CDC42BPA: variants seen among roughly 807,000 people sequenced by gnomAD.
The protein encoded by CDC42BPA is serine/threonine-protein kinase MRCK alpha.
Under a neutral mutation model 223.5 loss-of-function variants are expected in CDC42BPA, and 80 were observed. That is an observed-to-expected ratio of 0.36 (90% CI 0.30 to 0.43). The LOEUF (loss-of-function observed/expected upper bound fraction) is 0.43. Ranked by LOEUF, CDC42BPA falls within the 20% of genes least tolerant of loss-of-function variation. The probability of loss-of-function intolerance (pLI) is 1.00; values close to 1 mark genes in which losing one functional copy is unlikely to be tolerated. For synonymous variants in CDC42BPA, 694 were observed against 718.6 expected, an observed-to-expected ratio of 0.97 and a Z score of 0.55; for missense variants, 1,743 against 2,099.9, an observed-to-expected ratio of 0.83 and a Z score of 3.32.
At chr1:227,028,555 T>A (rs540093878) in intron 30 of CDC42BPA, 102 bp downstream of exon 30, 128 of 789,562 alleles carry the variant, frequency 1.6e-4, no homozygotes, top group African/African-American at 1.6e-3. Context: ...ATGACTTTTT[T>A]AAAAAACTGT....
intron 2 of CDC42BPA, among the ~76,000 whole-genome samples, chr1:227,215,765 C>T (rs1172849606): frequency 6.6e-6 from 1 of 150,590 alleles, no homozygotes; most frequent in Non-Finnish European, 1.5e-5. Flanking sequence ...AGTTTAACTA[C>T]CAAAATAAAA....
At chr1:227,163,574 A>G (rs1229721096) in intron 5 of CDC42BPA, among the ~76,000 whole-genome samples, 1 of 151,982 alleles carries the variant, frequency 6.6e-6, no homozygotes, top group Non-Finnish European at 1.5e-5. Flanking sequence ...ATGCCTGTTA[A>G]TATCCCTTGC....
In CDC42BPA at chr1:227,016,956, G is replaced by A. The variant is rs1177770797; in HGVS notation, c.4710C>T (p.Val1570=). 3.1e-6 allele frequency: 5 copies of A among 1,612,692 alleles called. No homozygotes were observed. The highest frequency in any genetic ancestry group is 3.4e-6 in the Non-Finnish European group (4 of 1,179,414). The change falls in exon 33 of 37, where the codon GTC becomes GTT. Residue 1570 remains valine (V), a synonymous_variant. Coordinates refer to ENST00000366766, the MANE Select transcript of CDC42BPA (RefSeq NM_001394014.1). ...TCTGCTGCATCCTTTCCTCTTCTGG[G>A]ACTCTGAAGGAATAACGCCGCTTAT... is the stretch of plus-strand genomic sequence containing the variant. ...INNKRRYSFR[V]PEEERMQQRR...
chr1:227,072,158 T>C (rs1170880049), intron 20 of CDC42BPA, 50 bp downstream of exon 20: 2 of 999,304 alleles, frequency 2.0e-6, no homozygotes, highest in Non-Finnish European at 1.5e-6. Flanking sequence ...ATAAAATATA[T>C]TTATAACATA....
chr1:227,000,589 C>G (rs1662614713), intron 35 of CDC42BPA, among the ~76,000 whole-genome samples: 2 of 152,084 alleles, frequency 1.3e-5, no homozygotes. Flanking sequence ...TTTGTGGGAA[C>G]AACTCACCAC....
intron 1 of CDC42BPA, among the ~76,000 whole-genome samples, chr1:227,262,772 G>T (rs929558095): frequency 6.6e-6 from 1 of 151,974 alleles, no homozygotes; most frequent in Non-Finnish European, 1.5e-5. Flanking sequence ...ATTAAGATAC[G>T]GTGTTCTAAT....
chr1:227,142,856 G>T, intron 9 of CDC42BPA, 89 bp downstream of exon 9: 1 of 757,696 alleles, frequency 1.3e-6, no homozygotes, highest in East Asian at 3.5e-5. Context: ...CTGACCTCAT[G>T]ATACACCTGT....
chr1:227,000,500 CTTAAGCAAGTTATTTTACCTTCCTGAGT>C (rs1351619451), intron 35 of CDC42BPA, among the ~76,000 whole-genome samples: 1 of 152,132 alleles, frequency 6.6e-6, no homozygotes, highest in Non-Finnish European at 1.5e-5. Context: ...ATGGTGTGAC[CTTAAGCAAGTTATTTTACCTTCCTGAGT>C]TTCCATTTTC....
intron 10 of CDC42BPA, among the ~76,000 whole-genome samples, chr1:227,138,666 G>A (rs1394697296): frequency 2.6e-5 from 4 of 152,204 alleles, no homozygotes; most frequent in African/African-American, 9.6e-5. Flanking sequence ...GAAATAGCAT[G>A]AAGAGCTGAC....
At chr1:227,087,308 G>T (rs1200489267) in intron 16 of CDC42BPA, among the ~76,000 whole-genome samples, 1 of 152,134 alleles carries the variant, frequency 6.6e-6, no homozygotes, top group Non-Finnish European at 1.5e-5. Context: ...TATATGAAAA[G>T]ATTATCCTTT....
chr1:227,073,089 AC>A (rs1678749102), intron 19 of CDC42BPA, among the ~76,000 whole-genome samples: 1 of 152,152 alleles, frequency 6.6e-6, no homozygotes, highest in South Asian at 2.1e-4. Context: ...ATGACTACAC[AC>A]CATTAAAAAC....
chr1:227,094,217 A>G (rs990210875), intron 15 of CDC42BPA, among the ~76,000 whole-genome samples: 10 of 152,204 alleles, frequency 6.6e-5, no homozygotes, highest in African/African-American at 1.2e-4. Flanking sequence ...GGAATGTGAG[A>G]CCATTTAAAT....
At chr1:227,034,579 C>A in intron 26 of CDC42BPA, 76 bp downstream of exon 26, 2 of 1,363,530 alleles carry the variant, frequency 1.5e-6, no homozygotes, top group Middle Eastern at 2.0e-4. Context: ...ACCATGGCAA[C>A]ACAATTTTTG....
chr1:227,210,192 G>T (rs992493522), intron 3 of CDC42BPA, among the ~76,000 whole-genome samples: 15 of 152,276 alleles, frequency 9.9e-5, no homozygotes, highest in Admixed American at 9.2e-4. Context: ...ACGTGTGCAT[G>T]TGTCTTTATA....
intron 5 of CDC42BPA, among the ~76,000 whole-genome samples, chr1:227,174,500 G>A (rs1342031069): frequency 6.6e-6 from 1 of 152,100 alleles, no homozygotes; most frequent in Non-Finnish European, 1.5e-5. Flanking sequence ...GATAACAGAT[G>A]AAAAACTCTC....
At chr1:227,206,914 TTATC>T (rs1247876212) in intron 3 of CDC42BPA, among the ~76,000 whole-genome samples, 4 of 151,844 alleles carry the variant, frequency 2.6e-5, no homozygotes, top group African/African-American at 9.6e-5. Flanking sequence ...TGGGGACTAC[TTATC>T]TTTTTTATTA....
intron 16 of CDC42BPA, among the ~76,000 whole-genome samples, chr1:227,081,913 A>T (rs1316773194): frequency 6.6e-6 from 1 of 152,200 alleles, no homozygotes; most frequent in African/African-American, 2.4e-5. Flanking sequence ...AATTTCACAA[A>T]TTTCCTAATA....
chr1:227,193,064 T>A lies in CDC42BPA; in HGVS notation c.599+722A>T, dbSNP rs1351549418. On this transcript the variant is annotated intron_variant, in intron 5 of 36. Coordinates refer to ENST00000366766, the MANE Select transcript of CDC42BPA (RefSeq NM_001394014.1). ...AGAAATGCTGACTGGAAGTGAGAAC[T>A]TTTTTTTTTTTTTTTTTTTTTGGAG... Among the ~76,000 whole-genome samples, 5 of 88,072 alleles carry A rather than the reference T, an allele frequency of 5.7e-5. 1 individual carries two copies. The highest frequency in any genetic ancestry group is 3.0e-4 in the African/African-American group (5 of 16,744). 57.8% of individuals were successfully genotyped at this position (88,072 alleles called of 152,430 possible). A position where few individuals can be genotyped will look rare whatever the true frequency, so the allele number is the denominator to read the frequency against.
At chr1:227,117,589 T>C (rs1446570839) in intron 12 of CDC42BPA, among the ~76,000 whole-genome samples, 4 of 152,136 alleles carry the variant, frequency 2.6e-5, no homozygotes, top group Admixed American at 2.6e-4. Flanking sequence ...GTGCCAGGAT[T>C]ACAAGCATAA....
Sources: allele counts gnomAD v4.1 joint callset (sites outside exome capture counted in the v4.1 genomes callset), GRCh38; gene constraint gnomAD v4.1.1; transcripts MANE v1.5; gene names NCBI Gene and HGNC (gene_info 2026-07-23, HGNC 2026-07-21).